The following ZCCHC7 variants were observed in gnomAD, a reference collection of about 807,000 sequenced individuals.
ZCCHC7 encodes zinc finger CCHC-type containing 7.
ZCCHC7 carries 35 observed loss-of-function variants against 52.0 expected under a neutral mutation model. The ratio of observed to expected loss-of-function variants is 0.67; its 90% CI spans 0.51 to 0.89. The LOEUF is 0.89. ZCCHC7 is among the 40% of genes least tolerant of loss of function. The pLI is 0.00. For missense variants in ZCCHC7, 574 were observed against 649.1 expected, an observed-to-expected ratio of 0.88 and a Z score of 1.26; for synonymous variants, 217 against 221.5, an observed-to-expected ratio of 0.98 and a Z score of 0.18.
chr9:37,347,952 C>A (rs1821093747), intron 6 of ZCCHC7, among the ~76,000 whole-genome samples: 1 of 152,198 alleles, frequency 6.6e-6, no homozygotes, highest in South Asian at 2.1e-4. Flanking sequence ...CTTTAACCTT[C>A]CCTTCTATGT....
At chr9:37,158,998 G>A (rs1820954623) in intron 2 of ZCCHC7, among the ~76,000 whole-genome samples, 1 of 152,060 alleles carries the variant, frequency 6.6e-6, no homozygotes, top group Non-Finnish European at 1.5e-5. Context: ...TTGCCTAGTG[G>A]CACAAAAAAT....
chr9:37,173,688 T>A (rs1821863103), intron 2 of ZCCHC7, among the ~76,000 whole-genome samples: 1 of 152,238 alleles, frequency 6.6e-6, no homozygotes, highest in Non-Finnish European at 1.5e-5. Flanking sequence ...TTTTATGTGT[T>A]CGATTTGTTA....
intron 1 of ZCCHC7, among the ~76,000 whole-genome samples, chr9:37,121,146 C>CT (rs1842299098): frequency 6.6e-6 from 1 of 152,152 alleles, no homozygotes; most frequent in Non-Finnish European, 1.5e-5. Context: ...CTAAGGCGCC[C>CT]TTTATCCCTC....
chr9:37,146,114 C>T (rs1180742219), intron 2 of ZCCHC7, among the ~76,000 whole-genome samples: 1 of 151,862 alleles, frequency 6.6e-6, no homozygotes, highest in African/African-American at 2.4e-5. Flanking sequence ...TCATTTATCT[C>T]AGAGTTTTTG....
chr9:37,354,672 T>A lies in ZCCHC7; in HGVS notation c.1084-38T>A. The stretch of plus-strand genomic sequence containing the variant: ...CTTGCAAAAAGGTTTTTGAACAGTG[T>A]GACCATGTGACATCATAATTTTACA... On this transcript the variant is annotated intron_variant, in intron 7 of 8. Transcript: ENST00000336755. This position sits in a 1 kb window ranked among gnomAD's most constrained non-coding sequence, Gnocchi z 4.0. 2 of 1,472,968 alleles carry A rather than the reference T, an allele frequency of 1.4e-6. No homozygotes were observed. The highest frequency in any genetic ancestry group is 1.2e-5 in the South Asian group (1 of 86,068). The allele number at this position is 1,472,968 out of a possible 1,614,324, so 91.2% of individuals were successfully genotyped here.
intron 2 of ZCCHC7, among the ~76,000 whole-genome samples, chr9:37,167,160 T>C (rs926642770): frequency 4.6e-5 from 7 of 152,186 alleles, no homozygotes; most frequent in Non-Finnish European, 2.9e-5. Context: ...CTCTCTGTTT[T>C]ATTATAGATA....
Position 37,357,004 on chromosome 9 carries a change from C to T in ZCCHC7, c.1368C>T (p.Asn456=). ...TQKEMKNKNR[N]WEKHRKADRH... ...AAGAAATGAAGAACAAGAATAGAAA[C>T]TGGGAGAAGCACAGGAAGGCTGACA... is the stretch of plus-strand genomic sequence containing the variant. The change falls in exon 9 of 9, where the codon AAC becomes AAT. Residue 456 remains asparagine (N), a synonymous_variant. Coordinates refer to ENST00000336755, the MANE Select transcript of ZCCHC7 (RefSeq NM_032226.3). The T allele has an allele frequency of 6.2e-7, 1 of 1,613,688 alleles. No homozygotes were observed. Among genetic ancestry groups the T allele is most frequent in the Non-Finnish European group, 8.5e-7 (1 of 1,179,938 alleles).
intron 2 of ZCCHC7, among the ~76,000 whole-genome samples, chr9:37,128,070 G>A (rs371416921): frequency 3.3e-5 from 5 of 152,166 alleles, no homozygotes; most frequent in Non-Finnish European, 5.9e-5. Context: ...ACAGAATCGC[G>A]TAAAGTTTTT....
intron 2 of ZCCHC7, among the ~76,000 whole-genome samples, chr9:37,143,484 G>C (rs1403790892): frequency 6.6e-6 from 1 of 150,910 alleles, no homozygotes; most frequent in South Asian, 2.1e-4. Context: ...TTTATGTCTC[G>C]GTGTTCTAGT....
At chr9:37,140,457 C>T (rs950916504) in intron 2 of ZCCHC7, among the ~76,000 whole-genome samples, 1 of 151,864 alleles carries the variant, frequency 6.6e-6, no homozygotes, top group East Asian at 1.9e-4. Context: ...ATTATTGGTT[C>T]TTCTGTGTAT....
At chr9:37,299,032 A>T (rs1028083519) in intron 2 of ZCCHC7, among the ~76,000 whole-genome samples, 7 of 152,126 alleles carry the variant, frequency 4.6e-5, no homozygotes, top group Non-Finnish European at 8.8e-5. Flanking sequence ...ATACAAAGAA[A>T]GAATTACCAG....
chr9:37,183,699 T>G (rs977535467), intron 2 of ZCCHC7, among the ~76,000 whole-genome samples: 2 of 152,232 alleles, frequency 1.3e-5, no homozygotes, highest in Non-Finnish European at 2.9e-5. Context: ...TTATTTTACT[T>G]TCCTGAGCAC....
chr9:37,222,552 A>G (rs1415423655), intron 2 of ZCCHC7, among the ~76,000 whole-genome samples: 4 of 152,136 alleles, frequency 2.6e-5, no homozygotes, highest in Non-Finnish European at 5.9e-5. Flanking sequence ...ATGAAACTAT[A>G]AAGTACTAGA....
At chr9:37,210,239 TG>T (rs1196020521) in intron 2 of ZCCHC7, among the ~76,000 whole-genome samples, 1 of 152,188 alleles carries the variant, frequency 6.6e-6, no homozygotes, top group East Asian at 1.9e-4. Context: ...AACTGACAGT[TG>T]GTGTGACTGC....
chr9:37,322,075 CT>C (rs1830076184), intron 5 of ZCCHC7, among the ~76,000 whole-genome samples: 1 of 152,012 alleles, frequency 6.6e-6, no homozygotes, highest in Non-Finnish European at 1.5e-5. Flanking sequence ...TCTGAGTGAG[CT>C]GAAAGTTATG....
rs1821753810 is a variant in ZCCHC7, at chr9:37,357,115, G to A, written c.1479G>A (p.Lys493=). Residue 493 remains lysine, a synonymous_variant, in exon 9 of 9, where the codon AAG becomes AAA. Coordinates refer to ENST00000336755, the MANE Select transcript of ZCCHC7 (RefSeq NM_032226.3). ...GTTTTAAAACCCAGAAGCCTTCTAA[G>A]CCCTTTCACCGTTCATCACATTACC... is the stretch of plus-strand genomic sequence containing the variant. ...PGSFKTQKPS[K]PFHRSSHYHT... is the part of the protein sequence containing the mutation. The A allele has an allele frequency of 1.2e-6, 2 of 1,613,562 alleles. No homozygotes were observed. The highest frequency in any genetic ancestry group is 1.7e-5 in the Admixed American group (1 of 59,938).
At chr9:37,141,190 A>T (rs1843209625) in intron 2 of ZCCHC7, among the ~76,000 whole-genome samples, 1 of 151,848 alleles carries the variant, frequency 6.6e-6, no homozygotes, top group Non-Finnish European at 1.5e-5. Flanking sequence ...TCGGTTGCAG[A>T]CTTGGTTTTC....
At chr9:37,261,959 A>T (rs1176974245) in intron 2 of ZCCHC7, among the ~76,000 whole-genome samples, 2 of 152,138 alleles carry the variant, frequency 1.3e-5, no homozygotes, top group Non-Finnish European at 2.9e-5. Flanking sequence ...AAATTGTTTT[A>T]TCCGCACACT....
intron 2 of ZCCHC7, among the ~76,000 whole-genome samples, chr9:37,133,380 T>C (rs1842871217): frequency 6.8e-6 from 1 of 146,280 alleles, no homozygotes; most frequent in Non-Finnish European, 1.5e-5. Flanking sequence ...TATTTTCTTT[T>C]TTTTTTTTTT....
Sources: gnomAD v4.1 joint callset for allele counts (sites outside exome capture counted in the v4.1 genomes callset) on GRCh38, gnomAD v4.1.1 for gene constraint, Gnocchi (gnomAD v3.1) non-coding constraint, MANE v1.5 for transcripts, NCBI Gene and HGNC (gene_info 2026-07-23, HGNC 2026-07-21) for gene names.